The following COL4A6 variants were observed in gnomAD, a reference collection of about 807,000 sequenced individuals.
COL4A6 encodes collagen type IV alpha 6 chain.
In COL4A6, 59 loss-of-function variants were observed where a neutral mutation model predicts 126.7. That is an observed-to-expected ratio of 0.47 (90% confidence interval 0.38 to 0.58). COL4A6 has a LOEUF of 0.58. Ranked by LOEUF, COL4A6 falls within the 20% of genes least tolerant of loss-of-function variation. COL4A6 has a pLI of 0.00. For synonymous variants in COL4A6, 547 were observed against 496.6 expected, an observed-to-expected ratio of 1.10 and a Z score of -1.35; for missense variants, 1,285 against 1,337.3, an observed-to-expected ratio of 0.96 and a Z score of 0.61.
chrX:108,156,687 A>G lies in COL4A6; in HGVS notation c.*313T>C, dbSNP rs1031371355. 1 of 314,030 alleles carries G rather than the reference A, an allele frequency of 3.2e-6. No individual in the cohort carries two copies. The highest frequency in any genetic ancestry group is 2.6e-5 in the African/African-American group (1 of 38,050). The allele number at this position is 314,030 out of a possible 1,213,427, so 25.9% of individuals were successfully genotyped here. ...CTTTCCGATCAAGACGGTAAGGAGAAAGCTAGCAGTCTAAGACAGTTGTGG... is the reference window on the plus strand; with the variant it reads ...CTTTCCGATCAAGACGGTAAGGAGAGAGCTAGCAGTCTAAGACAGTTGTGG... On this transcript the variant is annotated 3_prime_UTR_variant, in exon 45 of 45. Coordinates refer to ENST00000334504, the MANE Select transcript of COL4A6 (RefSeq NM_033641.4).
At chrX:108,183,820 T>G in intron 23 of COL4A6, 1 of 838,015 alleles carries the variant, frequency 1.2e-6, no homozygotes, top group Non-Finnish European at 1.5e-6. Context: ...CAGAAGTTCC[T>G]TGGGGCCCAA....
At chrX:108,431,297 C>T (rs989497597) in intron 2 of COL4A6, among the ~76,000 whole-genome samples, 3 of 111,220 alleles carry the variant, frequency 2.7e-5, no homozygotes, top group South Asian at 3.8e-4. Flanking sequence ...TGTCATAATC[C>T]CAAAAGACAC....
At chrX:108,181,139 C>T (rs2034675070) in intron 23 of COL4A6, among the ~76,000 whole-genome samples, 171 bp from the exon 24 acceptor site, 1 of 112,431 alleles carries the variant, frequency 8.9e-6, no homozygotes, top group African/African-American at 3.2e-5. Context: ...GGAGTTACAA[C>T]CAGTACAGTT....
intron 2 of COL4A6, among the ~76,000 whole-genome samples, chrX:108,351,057 T>A (rs192996174): frequency 9.0e-6 from 1 of 111,515 alleles, no homozygotes; most frequent in Admixed American, 9.5e-5. Context: ...CACAATGAAT[T>A]CCGCTGCAGC....
intron 2 of COL4A6, among the ~76,000 whole-genome samples, chrX:108,412,184 T>C (rs1308838848): frequency 8.9e-6 from 1 of 111,994 alleles, no homozygotes; most frequent in Non-Finnish European, 1.9e-5. Flanking sequence ...GAGTAAAAGA[T>C]AGTGTCATAA....
intron 5 of COL4A6, among the ~76,000 whole-genome samples, chrX:108,215,328 G>A (rs2035829551): frequency 8.9e-6 from 1 of 112,383 alleles, no homozygotes; most frequent in Non-Finnish European, 1.9e-5. Flanking sequence ...AAGTCCAGAG[G>A]AATGGTCAAT....
Position 108,174,336 on chromosome X carries a change from G to A in COL4A6, c.3138+104C>T, listed in dbSNP as rs1434215006. 8 of 828,984 alleles carry A rather than the reference G, an allele frequency of 9.7e-6. No individual in the cohort carries two copies. In the African/African-American group the frequency reaches 1.4e-4, roughly 15 times the overall value. The allele number at this position is 828,984 out of a possible 1,213,427, so 68.3% of individuals were successfully genotyped here. On this transcript the variant is annotated intron_variant, in intron 31 of 44. Transcript: ENST00000334504. ...CTTTCTGAGGATGTCCTGGGAGAAG[G>A]GGCTGAGAAGTAAGCTGGGATCAGA...
chrX:108,369,667 G>A (rs1486947228), intron 2 of COL4A6, among the ~76,000 whole-genome samples: 1 of 112,362 alleles, frequency 8.9e-6, no homozygotes, highest in African/African-American at 3.2e-5. Context: ...GTGAACCTAA[G>A]GATTGCAAAT....
chrX:108,340,396 T>TA (rs2039531696), intron 2 of COL4A6, among the ~76,000 whole-genome samples: 1 of 111,730 alleles, frequency 9.0e-6, no homozygotes, highest in South Asian at 3.7e-4. Flanking sequence ...ACAGACCCAG[T>TA]GTATATATCT....
At chrX:108,238,888 A>G (rs752507064) in intron 3 of COL4A6, among the ~76,000 whole-genome samples, 6 of 111,922 alleles carry the variant, frequency 5.4e-5, no homozygotes, top group Non-Finnish European at 1.1e-4. Context: ...TGTCAATCTG[A>G]TAAGTATAAC....
chrX:108,159,375 C>T, intron 44 of COL4A6, 87 bp downstream of exon 44: 1 of 1,048,886 alleles, frequency 9.5e-7, no homozygotes, highest in Non-Finnish European at 1.3e-6. Context: ...AAACTCTATG[C>T]TTTCTACCTG....
At chrX:108,270,582 A>G (rs1429027923) in intron 3 of COL4A6, among the ~76,000 whole-genome samples, 1 of 112,337 alleles carries the variant, frequency 8.9e-6, no homozygotes, top group African/African-American at 3.2e-5. Flanking sequence ...CAGACTGGTG[A>G]GAAGTAATTG....
intron 5 of COL4A6, among the ~76,000 whole-genome samples, chrX:108,216,652 C>T (rs1272380427): frequency 8.9e-6 from 1 of 112,519 alleles, no homozygotes; most frequent in Admixed American, 9.3e-5. Context: ...GTGTGCCAAC[C>T]CTCCAAGAGC....
At chrX:108,409,426 TG>T (rs2041281917) in intron 2 of COL4A6, among the ~76,000 whole-genome samples, 1 of 112,320 alleles carries the variant, frequency 8.9e-6, no homozygotes, top group African/African-American at 3.2e-5. Flanking sequence ...GTGACTACTA[TG>T]CTAAGTGATT....
chrX:108,389,080 C>A (rs1441748738), intron 2 of COL4A6, among the ~76,000 whole-genome samples: 1 of 111,899 alleles, frequency 8.9e-6, no homozygotes, highest in African/African-American at 3.3e-5. Context: ...GTCTGACAGA[C>A]TGTTTTGTTA....
chrX:108,370,894 C>A (rs758642282), intron 2 of COL4A6, among the ~76,000 whole-genome samples: 172 of 111,524 alleles, frequency 1.5e-3, no homozygotes, highest in Non-Finnish European at 2.7e-3. Context: ...TCAATAAACA[C>A]TCTTTGAATA....
chrX:108,437,027 CATT>C (rs2147425006), intron 2 of COL4A6, among the ~76,000 whole-genome samples: 1 of 111,476 alleles, frequency 9.0e-6, no homozygotes, highest in Admixed American at 9.6e-5. Context: ...CTTTGGGTAT[CATT>C]AAGAATTTTT....
intron 2 of COL4A6, among the ~76,000 whole-genome samples, chrX:108,316,561 C>G (rs758954615): frequency 9.0e-6 from 1 of 111,135 alleles, no homozygotes; most frequent in Non-Finnish European, 1.9e-5. Flanking sequence ...GTCCTTGGCC[C>G]AGAATCATCA....
At chrX:108,207,447 T>C (rs1415505191) in intron 8 of COL4A6, among the ~76,000 whole-genome samples, 1 of 111,269 alleles carries the variant, frequency 9.0e-6, no homozygotes, top group East Asian at 2.8e-4. Context: ...TTTACCTATG[T>C]AACAAACCTA....
Sources: gnomAD v4.1 joint callset for allele counts (sites outside exome capture counted in the v4.1 genomes callset) on GRCh38, gnomAD v4.1.1 for gene constraint, MANE v1.5 for transcripts, NCBI Gene and HGNC (gene_info 2026-07-23, HGNC 2026-07-21) for gene names.